LPAR5: variants seen among roughly 807,000 people sequenced by gnomAD.
LPAR5 encodes the protein G protein-coupled receptor 92.
For missense variants in LPAR5, 544 were observed against 521.8 expected (o/e 1.04, Z -0.41); for synonymous variants, 271 against 261.6 (o/e 1.04, Z -0.35).
chr12:6,628,541 A>C (rs1223752204), intron 1 of LPAR5, among the ~76,000 whole-genome samples: 5 of 150,686 alleles, frequency 3.3e-5, no homozygotes, highest in Non-Finnish European at 7.4e-5. Flanking sequence ...GCTCACTGCA[A>C]CCTCCGCCTC....
intron 1 of LPAR5, among the ~76,000 whole-genome samples, chr12:6,625,915 C>T (rs1375752345): frequency 1.3e-5 from 2 of 152,044 alleles, no homozygotes; most frequent in Admixed American, 6.5e-5. Flanking sequence ...GATCCTCTTA[C>T]CTCAGTCTCT....
At chr12:6,628,179 A>G (rs926146964) in intron 1 of LPAR5, among the ~76,000 whole-genome samples, 4 of 150,226 alleles carry the variant, frequency 2.7e-5, no homozygotes, top group Admixed American at 2.0e-4. Flanking sequence ...CTGCCACCTC[A>G]CCCGGCTAAT....
chr12:6,626,027 T>G (rs1948937227), intron 1 of LPAR5, among the ~76,000 whole-genome samples: 1 of 152,072 alleles, frequency 6.6e-6, no homozygotes, highest in African/African-American at 2.4e-5. Context: ...CCTAGCACTT[T>G]GGGAGGCTGA....
rs34529805 is a variant in LPAR5, at chr12:6,630,433, C to CTTTTTTTTTTTTTTTTT, written c.-217+5457_-217+5473dup. Among the ~76,000 whole-genome samples, 59 of 41,826 alleles carry CTTTTTTTTTTTTTTTTT rather than the reference C, an allele frequency of 1.4e-3. 7 individuals carry two copies. The highest frequency in any genetic ancestry group is 2.1e-3 in the Non-Finnish European group (49 of 22,928). The allele number at this position is 41,826 out of a possible 152,430, so 27.4% of individuals were successfully genotyped here. The stretch of plus-strand genomic sequence containing the variant: ...GAGTGAACCACTGCACCCAGCCCAT[C>CTTTTTTTTTTTTTTTTT]TTTTTTTTTTTTTTTTTTTTTTTTT... On this transcript the variant is annotated intron_variant, in intron 1 of 1. Transcript: ENST00000329858.
At chr12:6,630,433 C>CTTTTTTTTTTTTTTTTTTTTT (rs34529805) in intron 1 of LPAR5, among the ~76,000 whole-genome samples, 5 of 41,826 alleles carry the variant, frequency 1.2e-4, no homozygotes, top group Non-Finnish European at 1.7e-4. Context: ...CCCAGCCCAT[C>CTTTTTTTTTTTTTTTTTTTTT]TTTTTTTTTT....
chr12:6,631,027 C>T (rs1948977778), intron 1 of LPAR5, among the ~76,000 whole-genome samples: 1 of 152,168 alleles, frequency 6.6e-6, no homozygotes, highest in African/African-American at 2.4e-5. Context: ...AGACCCTCTC[C>T]CCCAATCCTG....
At chr12:6,624,430 C>A (rs543257345) in intron 1 of LPAR5, among the ~76,000 whole-genome samples, 1 of 152,342 alleles carries the variant, frequency 6.6e-6, no homozygotes, top group African/African-American at 2.4e-5. Flanking sequence ...TTAAGCAGTA[C>A]TACCCACCGC....
In LPAR5 at chr12:6,628,542, C is replaced by A. The variant is rs1015564838; in HGVS notation, c.-216-7078G>T. On this transcript the variant is annotated intron_variant, in intron 1 of 1. Transcript: ENST00000329858. ...GTGGCAGAATCTCGGCTCACTGCAA[C>A]CTCCGCCTCCCGGGTTCAAGTGATT... 3.3e-5 allele frequency among the ~76,000 whole-genome samples: 5 copies of A among 151,162 alleles called. No individual in the cohort carries two copies. In the East Asian group the frequency reaches 9.9e-4, roughly 30 times the overall value.
At chr12:6,630,080 A>G (rs548765553) in intron 1 of LPAR5, among the ~76,000 whole-genome samples, 2 of 152,166 alleles carry the variant, frequency 1.3e-5, no homozygotes, top group South Asian at 4.2e-4. Context: ...TAGCAAAGGA[A>G]ATGGCGATGC....
intron 1 of LPAR5, among the ~76,000 whole-genome samples, chr12:6,628,876 C>T (rs1336852600): frequency 1.3e-5 from 2 of 151,572 alleles, no homozygotes; most frequent in Non-Finnish European, 2.9e-5. Flanking sequence ...AGGTGATCTG[C>T]CCGCCTCAGC....
intron 1 of LPAR5, among the ~76,000 whole-genome samples, chr12:6,633,848 C>CT (rs1452369923): frequency 6.6e-6 from 1 of 152,140 alleles, no homozygotes; most frequent in African/African-American, 2.4e-5. Flanking sequence ...TCTAGTGCCT[C>CT]TGAGTGGCTG....
At position 6,620,631 on chromosome 12, in the gene LPAR5, C is replaced by T. The variant is rs1948885097; in HGVS notation, c.618G>A (p.Ala206=). The T allele has an allele frequency of 1.3e-6, 2 of 1,552,944 alleles. No homozygotes were observed. The highest frequency in any genetic ancestry group is 8.7e-7 in the Non-Finnish European group (1 of 1,149,010). ...AGACTCGGCCCGACGAGTAGACCAC[C>T]GCCGCCAGGGGCAGCAGGAAGCCCA... is the stretch of plus-strand genomic sequence containing the variant. ...EALGFLLPLA[A]VVYSSGRVFW... is the part of the protein sequence containing the mutation. The change falls in exon 2 of 2, where the codon GCG becomes GCA. Residue 206 remains alanine (A), a synonymous_variant. Coordinates refer to ENST00000329858, the MANE Select transcript of LPAR5 (RefSeq NM_020400.6). The surrounding 1 kb of genome is among the most constrained non-coding windows in gnomAD (Gnocchi z 6.8).
chr12:6,634,063 T>G (rs1948996852), intron 1 of LPAR5, among the ~76,000 whole-genome samples: 1 of 151,792 alleles, frequency 6.6e-6, no homozygotes, highest in African/African-American at 2.4e-5. Flanking sequence ...TTGAGTGCAG[T>G]GGTGTGATCT....
intron 1 of LPAR5, among the ~76,000 whole-genome samples, chr12:6,633,028 G>A (rs1019161009): frequency 1.3e-5 from 2 of 152,148 alleles, no homozygotes; most frequent in African/African-American, 4.8e-5. Context: ...CCTCGGCCCT[G>A]GCTTCTCCCT....
At chr12:6,621,633 G>C (rs1214283181) in intron 1 of LPAR5, among the ~76,000 whole-genome samples, 169 bp from the exon 2 acceptor site, 1 of 152,238 alleles carries the variant, frequency 6.6e-6, no homozygotes, top group African/African-American at 2.4e-5. Context: ...ACCCAGGTTT[G>C]AAGGCAGGGA....
rs1175130226 is a variant in LPAR5 at position 6,619,956 on chromosome 12, C to G, written c.*174G>C. ...AGTTTAAAGAAGCCATTTCCAGCAG[C>G]ACTGCCTTCCCTGGGCCCTGGCTTC... On this transcript the variant is annotated 3_prime_UTR_variant, in exon 2 of 2. Coordinates refer to ENST00000329858, the MANE Select transcript of LPAR5 (RefSeq NM_020400.6). 3 of 889,282 alleles carry G rather than the reference C, an allele frequency of 3.4e-6. No individual in the cohort carries two copies. The allele number at this position is 889,282 out of a possible 1,614,324, so 55.1% of individuals were successfully genotyped here. A position where few individuals can be genotyped will look rare whatever the true frequency, so the allele number is the denominator to read the frequency against.
chr12:6,621,134 G>C lies in LPAR5; in HGVS notation c.115C>G (p.Leu39Val), dbSNP rs980411799. The C allele has an allele frequency of 6.2e-6, 10 of 1,600,028 alleles. No homozygotes were observed. Among genetic ancestry groups the C allele is most frequent in the Non-Finnish European group, 8.5e-6 (10 of 1,172,986 alleles). The change falls in exon 2 of 2, where the codon CTC becomes GTC. Residue 39 changes from leucine (L) to valine (V), a missense_variant. Transcript: ENST00000329858. ...AAGACCCAGAGGGCTAGCGCGTTGAGGGGGAGCCCGGCAGCCAGCACCAAG... is the reference window on the plus strand; with the variant it reads ...AAGACCCAGAGGGCTAGCGCGTTGACGGGGAGCCCGGCAGCCAGCACCAAG... ...YSLVLAAGLP[L>V]NALALWVFLR...
chr12:6,620,587 G>C lies in LPAR5; in HGVS notation c.662C>G (p.Pro221Arg), dbSNP rs1592296174. The change falls in exon 2 of 2, where the codon CCC (proline) becomes CGC (arginine). Residue 221 changes from proline (P) to arginine (R), a missense_variant. By Grantham distance (103) the Pro-to-Arg change is moderately radical. Transcript: ENST00000329858. The surrounding 1 kb of genome is among the most constrained non-coding windows in gnomAD (Gnocchi z 6.8). ...CCGCCGCTGGCTCTGCGTGGCGTCGGGGCGCGCCAGCGTCCAGAAGACTCG... is the reference window on the plus strand; with the variant it reads ...CCGCCGCTGGCTCTGCGTGGCGTCGCGGCGCGCCAGCGTCCAGAAGACTCG... ...SGRVFWTLAR[P>R]DATQSQRRRK... 6.4e-7 allele frequency: 1 copy of C among 1,551,346 alleles called. No individual in the cohort carries two copies. The highest frequency in any genetic ancestry group is 1.2e-5 in the South Asian group (1 of 84,520).
At position 6,620,452 on chromosome 12, in the gene LPAR5, G is replaced by GCCA. The variant is rs754846846; in HGVS notation, c.794_796dup (p.Val265dup). Reference sequence around the variant, plus strand: ...GCGATCGCGGGCAGGCACGCTGGCCGCCACCAGCTTGCTCCGCAGCAGCCC... The same window carrying GCCA: ...GCGATCGCGGGCAGGCACGCTGGCCGCCACCACCAGCTTGCTCCGCAGCAGCCC... On this transcript the variant is annotated inframe_insertion, in exon 2 of 2. Coordinates refer to ENST00000329858, the MANE Select transcript of LPAR5 (RefSeq NM_020400.6). This position sits in a 1 kb window ranked among gnomAD's most constrained non-coding sequence, Gnocchi z 6.8. 2 of 1,593,986 alleles carry GCCA rather than the reference G, an allele frequency of 1.3e-6. No homozygotes were observed. Among genetic ancestry groups the GCCA allele is most frequent in the Admixed American group, 3.5e-5 (2 of 56,988 alleles).
Sources: gnomAD v4.1 joint callset for allele counts (sites outside exome capture counted in the v4.1 genomes callset) on GRCh38, gnomAD v4.1.1 for gene constraint, Gnocchi (gnomAD v3.1) non-coding constraint, MANE v1.5 for transcripts, NCBI Gene and HGNC (gene_info 2026-07-23, HGNC 2026-07-21) for gene names.